Variants in TENM3 observed in about 807,000 individuals in gnomAD.
TENM3 encodes the protein teneurin-3.
Under a neutral mutation model 255.1 loss-of-function variants are expected in TENM3, and 63 were observed. That is an observed-to-expected ratio of 0.25 (90% CI 0.20 to 0.30). The LOEUF (loss-of-function observed/expected upper bound fraction) is 0.30, where lower values mean the gene tolerates loss of function less well. TENM3 is among the 10% of genes least tolerant of loss of function. The probability of loss-of-function intolerance (pLI) is 1.00; values close to 1 mark genes in which losing one functional copy is unlikely to be tolerated. For synonymous variants in TENM3, 1,306 were observed against 1,322.3 expected (o/e 0.99, Z 0.27); for missense variants, 2,929 against 3,461.1 (o/e 0.85, Z 3.86).
chr4:181,551,657 A>G, the TENM3 span, among the ~76,000 whole-genome samples: 1 of 152,114 alleles, frequency 6.6e-6, no homozygotes, highest in African/African-American at 2.4e-5. Context: ...ACAGTGTTTG[A>G]AAAGAGATGG....
intron 1 of TENM3, among the ~76,000 whole-genome samples, chr4:182,224,653 G>A (rs1756034616): frequency 6.6e-6 from 1 of 152,040 alleles, no homozygotes; most frequent in African/African-American, 2.4e-5. Context: ...GCCCATAATA[G>A]GCCCTGTCAT....
At chr4:181,828,371 C>G in the TENM3 span, among the ~76,000 whole-genome samples, 1 of 152,172 alleles carries the variant, frequency 6.6e-6, no homozygotes, top group Non-Finnish European at 1.5e-5. Context: ...ATTCCTTCTT[C>G]TTTCTTTCAA....
At chr4:182,213,106 C>T (rs529728376) in intron 1 of TENM3, among the ~76,000 whole-genome samples, 2 of 152,280 alleles carry the variant, frequency 1.3e-5, no homozygotes, top group South Asian at 2.1e-4. Context: ...CTGTTTCTTA[C>T]TTCAGGAAAA....
chr4:182,671,000 C>T (rs1225645204), intron 6 of TENM3, among the ~76,000 whole-genome samples: 1 of 152,128 alleles, frequency 6.6e-6, no homozygotes, highest in African/African-American at 2.4e-5. Context: ...AGTGAAAATA[C>T]AAGAAATCAC....
At chr4:181,927,317 G>A in the TENM3 span, among the ~76,000 whole-genome samples, 1 of 152,222 alleles carries the variant, frequency 6.6e-6, no homozygotes, top group Non-Finnish European at 1.5e-5. Context: ...ATCGACCTGG[G>A]AAGCTCAAGC....
In TENM3 at chr4:182,802,724, A is replaced by C. The variant is rs1767057216; in HGVS notation, c.*2373A>C. 6.7e-6 allele frequency: 1 copy of C among 149,582 alleles called. No homozygotes were observed. Among genetic ancestry groups the C allele is most frequent in the African/African-American group, 2.5e-5 (1 of 40,426 alleles). 9.3% of individuals were successfully genotyped at this position (149,582 alleles called of 1,614,324 possible). On this transcript the variant is annotated 3_prime_UTR_variant, in exon 28 of 28. Transcript: ENST00000511685. ...TTCTAAAAAGACTTGTGATCTGGAC[A>C]TGCTTTTACAAGAAATAGTGACCTT...
intron 3 of TENM3, among the ~76,000 whole-genome samples, chr4:182,399,009 C>G (rs979604004): frequency 6.6e-6 from 1 of 152,156 alleles, no homozygotes; most frequent in South Asian, 2.1e-4. Context: ...TGCACAGTCC[C>G]GAACTCGGTC....
At chr4:182,162,205 G>A (rs1751397512) in intron 1 of TENM3, among the ~76,000 whole-genome samples, 1 of 151,870 alleles carries the variant, frequency 6.6e-6, no homozygotes, top group Admixed American at 6.6e-5. Flanking sequence ...TTTGCTGAAA[G>A]CAAATTTTAA....
At chr4:182,112,420 A>G in the TENM3 span, among the ~76,000 whole-genome samples, 1 of 152,196 alleles carries the variant, frequency 6.6e-6, no homozygotes, top group Non-Finnish European at 1.5e-5. Flanking sequence ...GAGAAAAAAC[A>G]TTATCACTAA....
the TENM3 span, among the ~76,000 whole-genome samples, chr4:181,845,254 C>T: frequency 3.3e-5 from 5 of 152,004 alleles, no homozygotes; most frequent in Admixed American, 6.5e-5. Flanking sequence ...TGATTATGTG[C>T]ATTGAAGCTC....
the TENM3 span, among the ~76,000 whole-genome samples, chr4:181,944,408 G>A: frequency 2.7e-5 from 4 of 150,064 alleles, no homozygotes; most frequent in Non-Finnish European, 5.9e-5. Context: ...TCAGCGAATG[G>A]GATGTTGAGC....
At chr4:182,117,134 T>C in the TENM3 span, among the ~76,000 whole-genome samples, 4 of 152,246 alleles carry the variant, frequency 2.6e-5, no homozygotes, top group Admixed American at 2.6e-4. Flanking sequence ...AATCAAGTTG[T>C]TAATTTTCTT....
intron 3 of TENM3, among the ~76,000 whole-genome samples, chr4:182,576,816 C>T (rs576232669): frequency 1.3e-5 from 2 of 152,292 alleles, no homozygotes; most frequent in African/African-American, 2.4e-5. Context: ...TTAGGGTAGT[C>T]GTCATAAAAT....
intron 2 of TENM3, among the ~76,000 whole-genome samples, chr4:182,325,022 T>C (rs1763300454): frequency 6.6e-6 from 1 of 152,192 alleles, no homozygotes; most frequent in African/African-American, 2.4e-5. Flanking sequence ...TAGTTATATT[T>C]TGTTTCTTCT....
Position 182,752,942 on chromosome 4 carries a change from AT to A in TENM3, c.3863-486del, listed in dbSNP as rs750171665. Among the ~76,000 whole-genome samples, 167 of 121,710 alleles carry A rather than the reference AT, an allele frequency of 1.4e-3. 1 individual carries two copies. Among genetic ancestry groups the A allele is most frequent in the Middle Eastern group, 4.9e-3 (1 of 206 alleles). 79.8% of individuals were successfully genotyped at this position (121,710 alleles called of 152,430 possible). A position where few individuals can be genotyped will look rare whatever the true frequency, so the allele number is the denominator to read the frequency against. On this transcript the variant is annotated intron_variant, in intron 20 of 27. Transcript: ENST00000511685. The stretch of plus-strand genomic sequence containing the variant: ...CAAAATTGGATTATTTCCTTACTGA[AT>A]TTTTTTTTTTTTTTTTTTTTTGAGA...
chr4:182,648,324 C>T (rs1024634300), intron 5 of TENM3, among the ~76,000 whole-genome samples: 2 of 150,128 alleles, frequency 1.3e-5, no homozygotes, highest in Non-Finnish European at 3.0e-5. Context: ...CATTTTGTCA[C>T]CCAGGCTGGA....
rs150100486 is a variant in TENM3 at position 182,683,182 on chromosome 4, G to A, written c.2035+1168G>A. On this transcript the variant is annotated intron_variant, in intron 11 of 27. Transcript: ENST00000511685. ...TGTGATCTTAGGCAAATTACTATATGCCTCAGTTTACTCATCTGTAAAATC... is the reference window on the plus strand; with the variant it reads ...TGTGATCTTAGGCAAATTACTATATACCTCAGTTTACTCATCTGTAAAATC... 2.4e-4 allele frequency among the ~76,000 whole-genome samples: 36 copies of A among 152,060 alleles called. No homozygotes were observed. The East Asian group carries it at 6.6e-3, about 28-fold the overall frequency.
chr4:182,454,072 T>C (rs905002549), intron 3 of TENM3, among the ~76,000 whole-genome samples: 1 of 152,090 alleles, frequency 6.6e-6, no homozygotes, highest in African/African-American at 2.4e-5. Context: ...ACAAGGCCAT[T>C]TGGATTTGTG....
chr4:181,909,008 T>C, the TENM3 span, among the ~76,000 whole-genome samples: 1 of 152,226 alleles, frequency 6.6e-6, no homozygotes, highest in Admixed American at 6.5e-5. Flanking sequence ...TAGAGTCTCC[T>C]GGAAATCTTT....
Sources: allele counts gnomAD v4.1 joint callset (sites outside exome capture counted in the v4.1 genomes callset), GRCh38; gene constraint gnomAD v4.1.1; transcripts MANE v1.5; gene names NCBI Gene and HGNC (gene_info 2026-07-23, HGNC 2026-07-21).